The following EIF4H variants were observed in gnomAD, a reference collection of about 807,000 sequenced individuals.
EIF4H encodes eukaryotic translation initiation factor 4H, also known as Williams-Beuren syndrome chromosome region 1.
EIF4H carries 8 observed loss-of-function variants against 30.6 expected under a neutral mutation model. The observed-to-expected ratio is 0.26, with a 90% CI of 0.15 to 0.47. The LOEUF (loss-of-function observed/expected upper bound fraction) is 0.47. Ranked by LOEUF, EIF4H falls within the 20% of genes least tolerant of loss-of-function variation. The probability of loss-of-function intolerance (pLI) is 0.99; values close to 1 mark genes in which losing one functional copy is unlikely to be tolerated. For missense variants in EIF4H, 188 were observed against 339.5 expected, an observed-to-expected ratio of 0.55 and a Z score of 3.51; for synonymous variants, 106 against 122.7, an observed-to-expected ratio of 0.86 and a Z score of 0.90.
At chr7:74,176,333 G>T (rs1360790901) in intron 1 of EIF4H, among the ~76,000 whole-genome samples, 1 of 151,646 alleles carries the variant, frequency 6.6e-6, no homozygotes, top group African/African-American at 2.4e-5. Flanking sequence ...CACCTCCCGG[G>T]TTTAAGCGAT....
chr7:74,183,219 A>G (rs782126218), intron 1 of EIF4H, among the ~76,000 whole-genome samples: 5 of 152,176 alleles, frequency 3.3e-5, no homozygotes, highest in Non-Finnish European at 7.3e-5. Context: ...AATCTTTCAT[A>G]ATCAATAGAC....
intron 1 of EIF4H, among the ~76,000 whole-genome samples, chr7:74,177,599 A>G (rs1177905348): frequency 2.0e-5 from 3 of 152,218 alleles, no homozygotes; most frequent in African/African-American, 4.8e-5. Context: ...AAAGCAGTGT[A>G]TAAAAACTAC....
At chr7:74,187,825 A>G (rs782551824) in intron 2 of EIF4H, 27 bp downstream of exon 2, 6 of 1,559,010 alleles carry the variant, frequency 3.8e-6, no homozygotes, top group Non-Finnish European at 5.2e-6. Context: ...CTTATTGTAT[A>G]TTACTGTAAA....
At chr7:74,188,849 C>T (rs1333946172) in intron 2 of EIF4H, among the ~76,000 whole-genome samples, 1 of 152,066 alleles carries the variant, frequency 6.6e-6, no homozygotes, top group Non-Finnish European at 1.5e-5. Context: ...AACATTGAAT[C>T]CACTTAGGGA....
At chr7:74,177,858 T>C (rs1386928434) in intron 1 of EIF4H, among the ~76,000 whole-genome samples, 4 of 152,238 alleles carry the variant, frequency 2.6e-5, no homozygotes, top group African/African-American at 9.6e-5. Context: ...CAGAGTTTCA[T>C]CAGTTCAGCC....
chr7:74,189,794 A>G (rs1360822334), intron 3 of EIF4H, 28 bp from the exon 4 acceptor site: 1 of 1,614,130 alleles, frequency 6.2e-7, no homozygotes, highest in Non-Finnish European at 8.5e-7. Flanking sequence ...CTTTGCCAAT[A>G]CTTACACTAT....
intron 1 of EIF4H, among the ~76,000 whole-genome samples, chr7:74,184,785 C>T (rs553539251): frequency 6.6e-6 from 1 of 152,250 alleles, no homozygotes; most frequent in African/African-American, 2.4e-5. Context: ...CAGCTCACTG[C>T]AAGCTCCACC....
chr7:74,176,003 C>T (rs1335073303), intron 1 of EIF4H, among the ~76,000 whole-genome samples: 4 of 152,038 alleles, frequency 2.6e-5, no homozygotes, highest in Non-Finnish European at 5.9e-5. Context: ...AAATATTAGC[C>T]ATTTGCCCCA....
intron 5 of EIF4H, among the ~76,000 whole-genome samples, chr7:74,192,619 G>A (rs371913629): frequency 2.7e-5 from 4 of 149,128 alleles, no homozygotes; most frequent in Middle Eastern, 3.2e-3. Context: ...GTGTGCTACA[G>A]ATCACAACAT....
In EIF4H at chr7:74,187,710, G is replaced by T. The variant is rs199775069; in HGVS notation, c.159G>T (p.Thr53=). ...TAYVGNLPFN[T]VQGDIDAIFK... ...ACGTAGGAAATCTACCTTTCAATAC[G>T]GTTCAGGGCGACATAGATGCTATCT... The change falls in exon 2 of 7, where the codon ACG becomes ACT. Residue 53 remains threonine (T), a synonymous_variant. Coordinates refer to ENST00000265753, the MANE Select transcript of EIF4H (RefSeq NM_022170.2). The T allele has an allele frequency of 6.2e-7, 1 of 1,613,888 alleles. No homozygotes were observed. Among genetic ancestry groups the T allele is most frequent in the Non-Finnish European group, 8.5e-7 (1 of 1,179,870 alleles).
intron 1 of EIF4H, chr7:74,183,713 A>T (rs1245070521): frequency 6.6e-6 from 1 of 152,210 alleles, no homozygotes; most frequent in Non-Finnish European, 1.5e-5. Flanking sequence ...TTTGTAAATG[A>T]ATCGGTGGGT....
rs145187247 is a variant in EIF4H at position 74,187,662 on chromosome 7, C to T, written c.111C>T (p.Pro37=). The stretch of plus-strand genomic sequence containing the variant: ...GTTCCCGTAGCCAGAAGGAGTTGCC[C>T]ACAGAGCCCCCCTACACAGCATACG... The part of the protein sequence containing the change: ...GHGSRSQKEL[P]TEPPYTAYVG... The change falls in exon 2 of 7, where the codon CCC becomes CCT. Residue 37 remains proline (P), a synonymous_variant. Transcript: ENST00000265753. The T allele has an allele frequency of 8.4e-5, 136 of 1,611,758 alleles. No homozygotes were observed. In the African/African-American group the frequency reaches 1.4e-3, roughly 17 times the overall value.
At chr7:74,174,699 G>C (rs1487956886) in intron 1 of EIF4H, among the ~76,000 whole-genome samples, 1 of 152,154 alleles carries the variant, frequency 6.6e-6, no homozygotes, top group Admixed American at 6.5e-5. Flanking sequence ...GTTGGTTTTT[G>C]CCCTGCCTTG....
chr7:74,194,991 C>A, intron 6 of EIF4H, 113 bp downstream of exon 6: 1 of 1,500,706 alleles, frequency 6.7e-7, no homozygotes, highest in Non-Finnish European at 8.9e-7. Flanking sequence ...CGGCATAGAT[C>A]CCCACGTTCT....
intron 1 of EIF4H, among the ~76,000 whole-genome samples, chr7:74,176,607 T>C (rs1302778517): frequency 6.6e-6 from 1 of 152,204 alleles, no homozygotes; most frequent in East Asian, 1.9e-4. Flanking sequence ...AAAGAAATGG[T>C]AGGCCTAAAA....
chr7:74,192,072 C>G (rs1430270849), intron 5 of EIF4H, among the ~76,000 whole-genome samples: 1 of 152,210 alleles, frequency 6.6e-6, no homozygotes, highest in Non-Finnish European at 1.5e-5. Context: ...AGCCACCGCG[C>G]CCGGCCCCCA....
intron 1 of EIF4H, among the ~76,000 whole-genome samples, chr7:74,184,419 C>T (rs1285695987): frequency 6.6e-6 from 1 of 152,038 alleles, no homozygotes; most frequent in Non-Finnish European, 1.5e-5. Flanking sequence ...TCATCCTCAC[C>T]CTCCTTTTTA....
intron 1 of EIF4H, among the ~76,000 whole-genome samples, chr7:74,174,976 G>T (rs542935898): frequency 1.2e-4 from 19 of 152,218 alleles, no homozygotes; most frequent in Non-Finnish European, 1.9e-4. Context: ...GGATTTGGCG[G>T]CTCTGGCCCG....
chr7:74,195,748 A>T lies in EIF4H; in HGVS notation c.*440A>T, dbSNP rs1301892873. 1 of 157,910 alleles carries T rather than the reference A, an allele frequency of 6.3e-6. No individual in the cohort carries two copies. The highest frequency in any genetic ancestry group is 2.4e-5 in the African/African-American group (1 of 41,530). 9.8% of individuals were successfully genotyped at this position (157,910 alleles called of 1,614,324 possible). ...CCTCAGTGCTTCTCTTCTGACCTGC[A>T]TGTTGAGTTCTGTATTGCTGGGGCT... On this transcript the variant is annotated 3_prime_UTR_variant, in exon 7 of 7. Coordinates refer to ENST00000265753, the MANE Select transcript of EIF4H (RefSeq NM_022170.2).
Sources: gnomAD v4.1 joint callset for allele counts (sites outside exome capture counted in the v4.1 genomes callset) on GRCh38, gnomAD v4.1.1 for gene constraint, MANE v1.5 for transcripts, NCBI Gene and HGNC (gene_info 2026-07-23, HGNC 2026-07-21) for gene names.